Variants in IQCB1 observed in about 807,000 individuals in gnomAD.
IQCB1 encodes the protein IQ calmodulin-binding motif-containing protein 1.
Under a neutral mutation model 84.4 loss-of-function variants are expected in IQCB1, and 56 were observed. That is an observed-to-expected ratio of 0.66 (90% CI 0.54 to 0.83). The LOEUF (loss-of-function observed/expected upper bound fraction) is 0.83. Ranked by LOEUF, IQCB1 falls within the 40% of genes least tolerant of loss-of-function variation. The pLI, the probability that IQCB1 is intolerant of heterozygous loss-of-function variation, is 0.00. For missense variants in IQCB1, 629 were observed against 682.1 expected (o/e 0.92, Z 0.87); for synonymous variants, 210 against 234.8 (o/e 0.89, Z 0.96).
intron 14 of IQCB1, among the ~76,000 whole-genome samples, chr3:121,772,184 TA>T (rs999653434): frequency 2.0e-5 from 3 of 151,728 alleles, no homozygotes; most frequent in East Asian, 3.9e-4. Context: ...AAAATAATAA[TA>T]AAAAAAAATT....
chr3:121,775,852 T>C (rs1275492765), intron 13 of IQCB1, among the ~76,000 whole-genome samples: 3 of 152,206 alleles, frequency 2.0e-5, no homozygotes, highest in African/African-American at 7.2e-5. Context: ...TACGTTTCCT[T>C]GTTTCCTTTT....
intron 5 of IQCB1, among the ~76,000 whole-genome samples, chr3:121,811,993 T>C (rs1949849081): frequency 6.6e-6 from 1 of 152,158 alleles, no homozygotes; most frequent in African/African-American, 2.4e-5. Flanking sequence ...ACCCTGTGCC[T>C]CCAGACTGGG....
intron 12 of IQCB1, among the ~76,000 whole-genome samples, chr3:121,786,517 T>C (rs7626574): frequency 0.64 from 96,993 of 150,884 alleles, 31,620 homozygotes; most frequent in African/African-American, 0.71. Context: ...AAAAAAGTAA[T>C]CCTCTTATTT....
At chr3:121,773,867 C>T (rs899105983) in intron 13 of IQCB1, among the ~76,000 whole-genome samples, 2 of 151,666 alleles carry the variant, frequency 1.3e-5, no homozygotes, top group African/African-American at 2.4e-5. Context: ...TCATACGACA[C>T]CAAAGCACAG....
intron 10 of IQCB1, among the ~76,000 whole-genome samples, chr3:121,790,828 G>A (rs1401518539): frequency 6.6e-6 from 1 of 152,018 alleles, no homozygotes. Context: ...GATTTTTACT[G>A]CATGATGTAA....
At chr3:121,797,269 T>A (rs1559772886) in intron 8 of IQCB1, 42 bp from the exon 9 acceptor site, 1 of 891,488 alleles carries the variant, frequency 1.1e-6, no homozygotes. Context: ...ATTATAATAA[T>A]AAAATATGAT....
chr3:121,822,961 A>G (rs1179016129), intron 5 of IQCB1, among the ~76,000 whole-genome samples: 1 of 152,214 alleles, frequency 6.6e-6, no homozygotes, highest in Admixed American at 6.5e-5. Context: ...CAGAGAAAAA[A>G]CAGATAATAA....
intron 13 of IQCB1, among the ~76,000 whole-genome samples, chr3:121,773,455 C>A (rs1261788291): frequency 6.6e-6 from 1 of 152,060 alleles, no homozygotes; most frequent in East Asian, 1.9e-4. Context: ...TCTGGATCCA[C>A]AGAACAAGGG....
intron 5 of IQCB1, among the ~76,000 whole-genome samples, chr3:121,809,464 T>C (rs763987757): frequency 6.6e-6 from 1 of 152,058 alleles, no homozygotes; most frequent in Non-Finnish European, 1.5e-5. Flanking sequence ...CAAATGTAGA[T>C]GTCAGCATGA....
At chr3:121,780,284 C>A (rs1948418093) in intron 13 of IQCB1, among the ~76,000 whole-genome samples, 1 of 152,160 alleles carries the variant, frequency 6.6e-6, no homozygotes, top group African/African-American at 2.4e-5. Context: ...TTGCTTCGTT[C>A]CCTCTCAGAG....
At chr3:121,814,389 C>G (rs1256728388) in intron 5 of IQCB1, among the ~76,000 whole-genome samples, 1 of 152,028 alleles carries the variant, frequency 6.6e-6, no homozygotes, top group Non-Finnish European at 1.5e-5. Flanking sequence ...AATTCAAAAG[C>G]TAGCAGAAGA....
At chr3:121,790,829 C>T (rs1948936987) in intron 10 of IQCB1, among the ~76,000 whole-genome samples, 1 of 152,122 alleles carries the variant, frequency 6.6e-6, no homozygotes, top group African/African-American at 2.4e-5. Flanking sequence ...ATTTTTACTG[C>T]ATGATGTAAT....
At chr3:121,779,089 A>AT (rs758824831) in intron 13 of IQCB1, among the ~76,000 whole-genome samples, 260 of 151,392 alleles carry the variant, frequency 1.7e-3, no homozygotes, top group Non-Finnish European at 3.0e-3. Context: ...ATATATAAAA[A>AT]TTTTTTTTTG....
intron 7 of IQCB1, 144 bp downstream of exon 7, chr3:121,807,200 T>C (rs1289623524): frequency 5.0e-6 from 3 of 597,070 alleles, no homozygotes; most frequent in Non-Finnish European, 9.3e-6. Flanking sequence ...TACTTGTATA[T>C]ACATTATATA....
intron 4 of IQCB1, among the ~76,000 whole-genome samples, chr3:121,827,969 G>A (rs1345911119): frequency 6.6e-6 from 1 of 152,098 alleles, no homozygotes; most frequent in East Asian, 1.9e-4. Context: ...TTTATTGACA[G>A]TATTTGGGTT....
chr3:121,792,586 C>T (rs1344107172), intron 10 of IQCB1, among the ~76,000 whole-genome samples: 2 of 135,956 alleles, frequency 1.5e-5, no homozygotes, highest in Non-Finnish European at 3.1e-5. Flanking sequence ...GGTGTGAACC[C>T]GGGAGGCGGA....
chr3:121,803,699 AC>A (rs1420278831), intron 7 of IQCB1, among the ~76,000 whole-genome samples: 1 of 152,166 alleles, frequency 6.6e-6, no homozygotes, highest in Non-Finnish European at 1.5e-5. Context: ...TTATGAAATA[AC>A]CTTCTTTAGC....
intron 5 of IQCB1, among the ~76,000 whole-genome samples, chr3:121,819,933 T>C (rs920472939): frequency 6.6e-6 from 1 of 152,138 alleles, no homozygotes; most frequent in Non-Finnish European, 1.5e-5. Flanking sequence ...TGAATATTTA[T>C]ACTTGGAGCA....
chr3:121,834,889 A>C, intron 1 of IQCB1, 77 bp downstream of exon 1: 1 of 296,158 alleles, frequency 3.4e-6, no homozygotes. Context: ...GACTTCGTCC[A>C]GGAGCCTGGG....
Sources: allele counts gnomAD v4.1 joint callset (sites outside exome capture counted in the v4.1 genomes callset), GRCh38; gene constraint gnomAD v4.1.1; transcripts MANE v1.5; gene names NCBI Gene and HGNC (gene_info 2026-07-23, HGNC 2026-07-21).